Variants in PEMT observed in about 807,000 individuals in gnomAD.
The protein encoded by PEMT is phospholipid methyltransferase.
In PEMT, 23 loss-of-function variants were observed where a neutral mutation model predicts 27.4. That is an observed-to-expected ratio of 0.84 (90% CI 0.60 to 1.19). The LOEUF is 1.19. Among genes scored for constraint, PEMT ranks in the 50% most tolerant of loss-of-function variants. The pLI is 0.00. For synonymous variants in PEMT, 137 were observed against 139.1 expected (o/e 0.98, Z 0.11); for missense variants, 307 against 310.1 (o/e 0.99, Z 0.07).
At chr17:17,558,254 C>T (rs993708085) in intron 2 of PEMT, among the ~76,000 whole-genome samples, 18 of 152,280 alleles carry the variant, frequency 1.2e-4, no homozygotes, top group African/African-American at 4.1e-4. Context: ...TGCCTGCAAT[C>T]CCAGGGCTTT....
At chr17:17,528,710 C>A (rs916713940) in intron 2 of PEMT, among the ~76,000 whole-genome samples, 1 of 152,212 alleles carries the variant, frequency 6.6e-6, no homozygotes, top group African/African-American at 2.4e-5. Flanking sequence ...AGGTCAGGGA[C>A]CTCAGAGGCG....
In PEMT at chr17:17,538,889, A is replaced by G. The variant is rs1425801184; in HGVS notation, c.205-16494T>C. Among the ~76,000 whole-genome samples the G allele has an allele frequency of 5.9e-5, 9 of 152,356 alleles. No homozygotes were observed. The South Asian group carries it at 1.9e-3, about 32-fold the overall frequency. On this transcript the variant is annotated intron_variant, in intron 2 of 6. Coordinates refer to ENST00000255389, the MANE Select transcript of PEMT (RefSeq NM_148172.3). ...CGAGTGGCAGAATGGTTGTCTGGCT[A>G]CACAGGCCGATAAGCAGCTGGGGCT...
rs1461260456 is a variant in PEMT, at chr17:17,522,337, A to G, written c.263T>C (p.Leu88Pro). 1.7e-5 allele frequency: 28 copies of G among 1,613,296 alleles called. No homozygotes were observed. The highest frequency in any genetic ancestry group is 2.3e-5 in the Non-Finnish European group (27 of 1,179,614). ...GGTGACGCTTAGAGAGTAGCAGGCC[A>G]GGTAGGGGGATCCGAAGGCCCTGCT... ...KLSRAFGSPY[L>P]ACYSLSVTIL... The change falls in exon 3 of 7, where the codon CTG becomes CCG. Residue 88 changes from leucine to proline, a missense_variant. Transcript: ENST00000255389.
intron 3 of PEMT, 46 bp downstream of exon 3, chr17:17,522,234 C>T (rs571690402): frequency 2.0e-5 from 28 of 1,422,956 alleles, no homozygotes; most frequent in Admixed American, 1.9e-4. Context: ...GCGGCCCTCC[C>T]GCTAGCCCAG....
At chr17:17,539,181 A>T (rs1908705462) in intron 2 of PEMT, among the ~76,000 whole-genome samples, 1 of 152,108 alleles carries the variant, frequency 6.6e-6, no homozygotes, top group South Asian at 2.1e-4. Flanking sequence ...GGGTCTCGCT[A>T]TGTTGCCCAG....
intron 2 of PEMT, among the ~76,000 whole-genome samples, chr17:17,570,302 G>C (rs971483851): frequency 3.3e-5 from 5 of 152,234 alleles, no homozygotes; most frequent in African/African-American, 1.2e-4. Flanking sequence ...GACAGTGAGA[G>C]ACAAACAGTG....
At chr17:17,547,706 C>T (rs576329443) in intron 2 of PEMT, among the ~76,000 whole-genome samples, 1 of 152,142 alleles carries the variant, frequency 6.6e-6, no homozygotes, top group Non-Finnish European at 1.5e-5. Context: ...CTGTCTGGGG[C>T]ACAGCCACAG....
At chr17:17,588,536 C>T (rs1912437816) in intron 1 of PEMT, among the ~76,000 whole-genome samples, 1 of 152,178 alleles carries the variant, frequency 6.6e-6, no homozygotes, top group Non-Finnish European at 1.5e-5. Flanking sequence ...TCATCTCATT[C>T]TGGTCTTCAC....
At chr17:17,575,634 G>C (rs1207528153) in intron 2 of PEMT, among the ~76,000 whole-genome samples, 2 of 152,218 alleles carry the variant, frequency 1.3e-5, no homozygotes, top group African/African-American at 4.8e-5. Context: ...GTGGCTGAGA[G>C]TACAGGTGCT....
At chr17:17,591,737 C>G (rs974569783), upstream of PEMT, 31 of 1,473,184 alleles carry the variant, frequency 2.1e-5, no homozygotes, top group East Asian at 4.3e-4. Flanking sequence ...TTCCCGGTGA[C>G]CCCCAACATA....
intron 2 of PEMT, among the ~76,000 whole-genome samples, chr17:17,546,874 T>C (rs1029434329): frequency 2.0e-5 from 3 of 152,268 alleles, no homozygotes; most frequent in African/African-American, 7.2e-5. Flanking sequence ...TTGGTTCATT[T>C]GCTACGTGCT....
At chr17:17,518,205 C>G in intron 3 of PEMT, 4 of 957,012 alleles carry the variant, frequency 4.2e-6, no homozygotes, top group Non-Finnish European at 5.0e-6. Flanking sequence ...GCTCGGCTGT[C>G]TCCTCCCACA....
chr17:17,527,991 G>T (rs1367932769), intron 2 of PEMT, among the ~76,000 whole-genome samples: 1 of 152,222 alleles, frequency 6.6e-6, no homozygotes, highest in Non-Finnish European at 1.5e-5. Context: ...CTGGCCCAGG[G>T]CTCCCAGCCT....
At chr17:17,554,690 A>T (rs1395385229) in intron 2 of PEMT, among the ~76,000 whole-genome samples, 1 of 152,042 alleles carries the variant, frequency 6.6e-6, no homozygotes, top group Admixed American at 6.6e-5. Context: ...ATCTTGGCTC[A>T]CTACAACCTC....
intron 1 of PEMT, 94 bp from the exon 2 acceptor site, chr17:17,577,121 C>T: frequency 1.2e-6 from 1 of 849,184 alleles, no homozygotes; most frequent in Middle Eastern, 3.2e-4. Context: ...TGGGAACACA[C>T]TGGGAGGCCT....
chr17:17,506,298 G>A lies in PEMT; in HGVS notation c.582C>T (p.His194=), dbSNP rs371020543. The change falls in exon 6 of 7, where the codon CAC becomes CAT. Residue 194 remains histidine, a synonymous_variant. Coordinates refer to ENST00000255389, the MANE Select transcript of PEMT (RefSeq NM_148172.3). ...TANYLGWAIM[H]ASPTGLLLTV... ...TCAGGAGCAGGCCCGTGGGGCTGGC[G>A]TGCCTGAAAGGACAGAGGCAGGTCA... The A allele has an allele frequency of 3.0e-5, 47 of 1,573,956 alleles. No homozygotes were observed. The highest frequency in any genetic ancestry group is 1.7e-4 in the Middle Eastern group (1 of 6,030).
At chr17:17,509,389 G>T in intron 5 of PEMT, 45 bp downstream of exon 5, 1 of 1,287,634 alleles carries the variant, frequency 7.8e-7, no homozygotes, top group Non-Finnish European at 1.1e-6. Context: ...GCTCCTCTCC[G>T]GGAGGTGGCC....
intron 2 of PEMT, among the ~76,000 whole-genome samples, chr17:17,529,256 T>C (rs940527799): frequency 1.3e-5 from 2 of 152,174 alleles, no homozygotes; most frequent in African/African-American, 4.8e-5. Flanking sequence ...GTTCCACCTG[T>C]CCTGCCAGGT....
At chr17:17,552,054 TAGTC>T (rs1222442569) in intron 2 of PEMT, among the ~76,000 whole-genome samples, 2 of 152,042 alleles carry the variant, frequency 1.3e-5, no homozygotes, top group East Asian at 1.9e-4. Context: ...ATACAAAAAT[TAGTC>T]AGGCACGGTG....
Sources: gnomAD v4.1 joint callset for allele counts (sites outside exome capture counted in the v4.1 genomes callset) on GRCh38, gnomAD v4.1.1 for gene constraint, MANE v1.5 for transcripts, NCBI Gene and HGNC (gene_info 2026-07-23, HGNC 2026-07-21) for gene names.